The following FRMD6 variants were observed in gnomAD, a reference collection of about 807,000 sequenced individuals.
The protein encoded by FRMD6 is FERM domain-containing protein 6.
A neutral mutation model predicts 73.2 loss-of-function variants in FRMD6; 37 were observed. The ratio of observed to expected loss-of-function variants is 0.51; its 90% confidence interval spans 0.39 to 0.66. FRMD6 has a LOEUF of 0.66. Among genes scored for constraint, FRMD6 ranks in the 30% least tolerant of loss-of-function variants. The probability of loss-of-function intolerance (pLI) is 0.00; values close to 1 mark genes in which losing one functional copy is unlikely to be tolerated. For synonymous variants in FRMD6, 273 were observed against 282.2 expected (o/e 0.97, Z 0.33); for missense variants, 714 against 780.5 (o/e 0.91, Z 1.02).
chr14:51,583,482 A>G (rs78626815), intron 2 of FRMD6, among the ~76,000 whole-genome samples: 5,115 of 152,286 alleles, frequency 0.034, 174 homozygotes, highest in East Asian at 0.092. Context: ...ATGTAGTTGC[A>G]ATAATAATAA....
rs1404296538 is a variant in FRMD6, at chr14:51,729,120, C to G, written c.*1091C>G. The stretch of plus-strand genomic sequence containing the variant: ...GACTGTTTTCTCATGTGCCTTTGGC[C>G]ATGATTCTCAACACTGATTGTATAA... On this transcript the variant is annotated 3_prime_UTR_variant, in exon 14 of 14. Coordinates refer to ENST00000344768, the MANE Select transcript of FRMD6 (RefSeq NM_001267046.2). 1.3e-5 allele frequency: 2 copies of G among 152,090 alleles called. No individual in the cohort carries two copies. The highest frequency in any genetic ancestry group is 2.9e-5 in the Non-Finnish European group (2 of 68,024). The allele number at this position is 152,090 out of a possible 1,614,324, so 9.4% of individuals were successfully genotyped here.
chr14:51,720,794 T>C (rs1261501204), intron 11 of FRMD6, among the ~76,000 whole-genome samples: 9 of 152,078 alleles, frequency 5.9e-5, no homozygotes, highest in African/African-American at 2.2e-4. Context: ...AAGATTGGAG[T>C]CCATGCCATT....
intron 2 of FRMD6, among the ~76,000 whole-genome samples, chr14:51,608,680 C>T (rs1890365094): frequency 6.6e-6 from 1 of 152,174 alleles, no homozygotes; most frequent in Non-Finnish European, 1.5e-5. Context: ...CCCTCATTCA[C>T]CTTTTCCTCT....
At chr14:51,458,187 A>G in the FRMD6 span, among the ~76,000 whole-genome samples, 2 of 152,190 alleles carry the variant, frequency 1.3e-5, no homozygotes, top group Admixed American at 6.5e-5. Context: ...AGTAGAAGAG[A>G]GTTGTGTTGA....
At chr14:51,462,194 A>T in the FRMD6 span, among the ~76,000 whole-genome samples, 2 of 152,010 alleles carry the variant, frequency 1.3e-5, no homozygotes, top group Non-Finnish European at 2.9e-5. Flanking sequence ...GATCCAGTGG[A>T]CTCTGGCTCT....
chr14:51,723,022 TC>T (rs1897716961), intron 12 of FRMD6, among the ~76,000 whole-genome samples: 1 of 152,156 alleles, frequency 6.6e-6, no homozygotes, highest in Non-Finnish European at 1.5e-5. Flanking sequence ...AGAATTCTGT[TC>T]GCTAACCCAA....
rs372784874 is a variant in FRMD6, at chr14:51,652,317, G to C, written c.-147+321G>C. The stretch of plus-strand genomic sequence containing the variant: ...CGGCAGCGGGGGAGGCGTGGAGCTC[G>C]GGGCGGCTTCAGCGGCGGGGGCGGG... On this transcript the variant is annotated intron_variant, in intron 1 of 13. Transcript: ENST00000344768. 1.0e-3 allele frequency: 157 copies of C among 153,074 alleles called. 3 individuals carry two copies. The South Asian group carries it at 0.032, about 31-fold the overall frequency. 9.5% of individuals were successfully genotyped at this position (153,074 alleles called of 1,614,324 possible). A position where few individuals can be genotyped will look rare whatever the true frequency, so the allele number is the denominator to read the frequency against.
the FRMD6 span, among the ~76,000 whole-genome samples, chr14:51,451,607 C>T: frequency 6.6e-6 from 1 of 152,170 alleles, no homozygotes; most frequent in Non-Finnish European, 1.5e-5. Context: ...TCTTTAACTC[C>T]TGACCTCAAG....
chr14:51,609,434 A>G (rs747209686), intron 2 of FRMD6, among the ~76,000 whole-genome samples: 1 of 152,224 alleles, frequency 6.6e-6, no homozygotes, highest in Non-Finnish European at 1.5e-5. Context: ...ACATCGGTGT[A>G]TGGATTGCTC....
the FRMD6 span, among the ~76,000 whole-genome samples, chr14:51,438,303 G>A: frequency 6.6e-6 from 1 of 152,286 alleles, no homozygotes; most frequent in African/African-American, 2.4e-5. Context: ...ATTTGGAATT[G>A]ACATTCTCTA....
At chr14:51,512,867 C>T (rs1309499016) in intron 1 of FRMD6, among the ~76,000 whole-genome samples, 2 of 152,136 alleles carry the variant, frequency 1.3e-5, no homozygotes, top group Non-Finnish European at 2.9e-5. Context: ...GTCCTCACTG[C>T]CTGGATGTAC....
chr14:51,486,724 C>G (rs900828021), upstream of FRMD6, among the ~76,000 whole-genome samples: 2 of 152,122 alleles, frequency 1.3e-5, no homozygotes, highest in African/African-American at 4.8e-5. Context: ...ATGAGAAATT[C>G]TGGTTGTGGG....
chr14:51,580,128 G>A (rs569447898), intron 2 of FRMD6, among the ~76,000 whole-genome samples: 54 of 74,392 alleles, frequency 7.3e-4, no homozygotes, highest in African/African-American at 2.1e-3. Context: ...TGTGTGCACC[G>A]TGTGTGTGTG....
intron 7 of FRMD6, among the ~76,000 whole-genome samples, chr14:51,711,254 G>A (rs974051926): frequency 6.6e-6 from 1 of 152,130 alleles, no homozygotes; most frequent in African/African-American, 2.4e-5. Context: ...AATATTGTCA[G>A]ATACAAAAGT....
chr14:51,401,137 CTAAT>C, the FRMD6 span, among the ~76,000 whole-genome samples: 1 of 152,154 alleles, frequency 6.6e-6, no homozygotes, highest in Non-Finnish European at 1.5e-5. Flanking sequence ...AATAGGCAGT[CTAAT>C]TAAGCAACCA....
intron 5 of FRMD6, among the ~76,000 whole-genome samples, chr14:51,703,677 TG>T (rs1383349806): frequency 6.6e-6 from 1 of 152,068 alleles, no homozygotes; most frequent in Non-Finnish European, 1.5e-5. Flanking sequence ...AAACCATCTG[TG>T]GTTGGCATTA....
chr14:51,476,391 G>T, the FRMD6 span, among the ~76,000 whole-genome samples: 1 of 152,176 alleles, frequency 6.6e-6, no homozygotes, highest in Non-Finnish European at 1.5e-5. Flanking sequence ...GAGCAGGAGA[G>T]ACCCCAACCT....
chr14:51,479,373 ACCAC>A, the FRMD6 span, among the ~76,000 whole-genome samples: 1 of 152,190 alleles, frequency 6.6e-6, no homozygotes, highest in Non-Finnish European at 1.5e-5. Flanking sequence ...TGTATAAATG[ACCAC>A]CCAACTATAC....
upstream of FRMD6, among the ~76,000 whole-genome samples, chr14:51,484,883 A>G (rs10148397): frequency 0.82 from 124,640 of 152,134 alleles, 51,313 homozygotes; most frequent in African/African-American, 0.89. Context: ...ATGGGGTAGA[A>G]GTTTTGGTTG....
Sources: allele counts gnomAD v4.1 joint callset (sites outside exome capture counted in the v4.1 genomes callset), GRCh38; gene constraint gnomAD v4.1.1; transcripts MANE v1.5; gene names NCBI Gene and HGNC (gene_info 2026-07-23, HGNC 2026-07-21).